The following CADPS2 variants were observed in gnomAD, a reference collection of about 807,000 sequenced individuals.
The protein encoded by CADPS2 is calcium dependent secretion activator 2.
CADPS2 carries 93 observed loss-of-function variants against 172.5 expected under a neutral mutation model. The ratio of observed to expected loss-of-function variants is 0.54; its 90% confidence interval spans 0.46 to 0.64. CADPS2 has a LOEUF of 0.64. Ranked by LOEUF, CADPS2 falls within the 30% of genes least tolerant of loss-of-function variation. CADPS2 has a pLI of 0.00. For synonymous variants in CADPS2, 546 were observed against 555.2 expected (o/e 0.98, Z 0.23); for missense variants, 1,420 against 1,565.9 (o/e 0.91, Z 1.57).
intron 2 of CADPS2, chr7:122,697,664 G>T (rs1030649411): frequency 3.9e-6 from 3 of 773,920 alleles, no homozygotes; most frequent in Non-Finnish European, 6.0e-6. Flanking sequence ...GACAAAGAAT[G>T]TATAAAATTA....
intron 1 of CADPS2, among the ~76,000 whole-genome samples, chr7:122,797,681 C>CAT (rs3993669): frequency 0.23 from 34,870 of 151,830 alleles, 4,438 homozygotes; most frequent in African/African-American, 0.34. Context: ...ATGATGGACA[C>CAT]AGACGGGAAC....
chr7:122,784,820 T>C (rs1793635371), intron 1 of CADPS2, among the ~76,000 whole-genome samples: 1 of 152,210 alleles, frequency 6.6e-6, no homozygotes, highest in South Asian at 2.1e-4. Flanking sequence ...GTCTAGACCT[T>C]ATTAAGCCTT....
intron 1 of CADPS2, among the ~76,000 whole-genome samples, chr7:122,840,596 AC>A (rs1810176836): frequency 2.0e-5 from 3 of 151,578 alleles, no homozygotes; most frequent in Non-Finnish European, 4.4e-5. Context: ...GCAAGAAAAA[AC>A]TTAGGGTAGG....
intron 8 of CADPS2, among the ~76,000 whole-genome samples, chr7:122,514,136 C>T (rs953891538): frequency 2.6e-5 from 4 of 151,852 alleles, no homozygotes; most frequent in African/African-American, 9.7e-5. Context: ...AGAGCTATTC[C>T]AAAATTATGC....
chr7:122,394,232 T>C (rs888941832), intron 20 of CADPS2, among the ~76,000 whole-genome samples: 5 of 152,184 alleles, frequency 3.3e-5, no homozygotes, highest in African/African-American at 1.2e-4. Context: ...CTACCTAAAG[T>C]AGTGACAGAA....
chr7:122,777,106 A>C (rs1278508701), intron 1 of CADPS2, among the ~76,000 whole-genome samples: 1 of 152,200 alleles, frequency 6.6e-6, no homozygotes, highest in Non-Finnish European at 1.5e-5. Flanking sequence ...TGCTGTGATC[A>C]TGCCATTGCA....
At chr7:122,339,588 C>G (rs1373874430) in intron 28 of CADPS2, among the ~76,000 whole-genome samples, 4 of 152,146 alleles carry the variant, frequency 2.6e-5, no homozygotes, top group Non-Finnish European at 4.4e-5. Context: ...GAAGCACTAG[C>G]TCAAAAGTTC....
At chr7:122,578,566 T>C (rs2068360262) in intron 7 of CADPS2, among the ~76,000 whole-genome samples, 1 of 152,114 alleles carries the variant, frequency 6.6e-6, no homozygotes, top group South Asian at 2.1e-4. Context: ...TCAGCAGATC[T>C]AGAGTGGGGT....
chr7:122,626,681 C>A (rs1282439070), intron 4 of CADPS2, among the ~76,000 whole-genome samples: 1 of 152,118 alleles, frequency 6.6e-6, no homozygotes, highest in Non-Finnish European at 1.5e-5. Context: ...CAGGGCCTGG[C>A]AGAAATATTT....
At chr7:122,420,238 T>C (rs922529913) in intron 17 of CADPS2, among the ~76,000 whole-genome samples, 5 of 152,214 alleles carry the variant, frequency 3.3e-5, no homozygotes, top group African/African-American at 1.2e-4. Flanking sequence ...TATGGAATAA[T>C]AGAAAGGAAT....
chr7:122,368,265 T>A (rs1000144612), intron 25 of CADPS2: 31 of 152,402 alleles, frequency 2.0e-4, no homozygotes. Context: ...AGCTGGACTC[T>A]ACAAGCTGGT....
chr7:122,368,600 A>G (rs911744472), intron 25 of CADPS2, among the ~76,000 whole-genome samples: 6 of 152,174 alleles, frequency 3.9e-5, no homozygotes, highest in African/African-American at 1.2e-4. Context: ...ACTGACATCA[A>G]TGCTTTGATT....
At chr7:122,367,218 A>C (rs983418863) in intron 25 of CADPS2, among the ~76,000 whole-genome samples, 2 of 152,196 alleles carry the variant, frequency 1.3e-5, no homozygotes, top group Non-Finnish European at 2.9e-5. Context: ...AGGCAGTCAG[A>C]TCAGATTTAT....
Position 122,434,978 on chromosome 7 carries a change from A to C in CADPS2, c.2476+3363T>G, listed in dbSNP as rs539736273. Among the ~76,000 whole-genome samples, 4 of 149,670 alleles carry C rather than the reference A, an allele frequency of 2.7e-5. No homozygotes were observed. The East Asian group carries it at 8.0e-4, about 30-fold the overall frequency. ...ATATGCTTAAAACATAATGCATACC[A>C]TTCATATAGCCTCAGGTTTTTTGCT... On this transcript the variant is annotated intron_variant, in intron 17 of 29. Transcript: ENST00000449022.
intron 12 of CADPS2, among the ~76,000 whole-genome samples, chr7:122,480,500 A>C (rs2057159490): frequency 6.6e-6 from 1 of 152,182 alleles, no homozygotes; most frequent in Non-Finnish European, 1.5e-5. Flanking sequence ...AATTCTACCT[A>C]TATTTTGCTT....
intron 1 of CADPS2, among the ~76,000 whole-genome samples, chr7:122,800,185 T>G (rs17683741): frequency 0.035 from 5,356 of 152,308 alleles, 179 homozygotes; most frequent in Non-Finnish European, 0.044. Flanking sequence ...TCCACGGTTA[T>G]AATACTAGTT....
At chr7:122,714,608 C>A (rs1002697162) in intron 2 of CADPS2, among the ~76,000 whole-genome samples, 2 of 152,026 alleles carry the variant, frequency 1.3e-5, no homozygotes, top group African/African-American at 4.8e-5. Flanking sequence ...AAAACAAATA[C>A]ATACAAGATG....
At chr7:122,727,592 T>C (rs1443763775) in intron 2 of CADPS2, among the ~76,000 whole-genome samples, 1 of 151,822 alleles carries the variant, frequency 6.6e-6, no homozygotes, top group African/African-American at 2.4e-5. Flanking sequence ...TAAAAATGCA[T>C]GAAGAGAGAA....
intron 7 of CADPS2, among the ~76,000 whole-genome samples, chr7:122,557,796 A>G (rs960400429): frequency 1.3e-5 from 2 of 152,164 alleles, no homozygotes; most frequent in African/African-American, 4.8e-5. Flanking sequence ...ACCAGTATAG[A>G]ACTGTTGCTA....
Sources: gnomAD v4.1 joint callset for allele counts (sites outside exome capture counted in the v4.1 genomes callset) on GRCh38, gnomAD v4.1.1 for gene constraint, MANE v1.5 for transcripts, NCBI Gene and HGNC (gene_info 2026-07-23, HGNC 2026-07-21) for gene names.